KCNS3: variants seen among roughly 807,000 people sequenced by gnomAD.
The protein encoded by KCNS3 is potassium voltage-gated channel modifier subfamily S member 3, also known as delayed-rectifier potassium channel regulatory subunit KCNS3.
KCNS3 carries 13 observed loss-of-function variants against 31.0 expected under a neutral mutation model. The observed-to-expected ratio is 0.42, with a 90% CI of 0.27 to 0.67. The LOEUF (loss-of-function observed/expected upper bound fraction) is 0.67, where lower values mean the gene tolerates loss of function less well. Ranked by LOEUF, KCNS3 falls within the 30% of genes least tolerant of loss-of-function variation. The pLI, the probability that KCNS3 is intolerant of heterozygous loss-of-function variation, is 0.25. For synonymous variants in KCNS3, 238 were observed against 241.5 expected, an observed-to-expected ratio of 0.99 and a Z score of 0.13; for missense variants, 545 against 622.4, an observed-to-expected ratio of 0.88 and a Z score of 1.32.
At chr2:17,920,968 C>T (rs1662691638) in intron 2 of KCNS3, among the ~76,000 whole-genome samples, 1 of 152,218 alleles carries the variant, frequency 6.6e-6, no homozygotes, top group Non-Finnish European at 1.5e-5. Flanking sequence ...TGGGCAAATT[C>T]TGAGCCTCAG....
chr2:17,887,509 A>ATCTT (rs1661695853), intron 1 of KCNS3, among the ~76,000 whole-genome samples: 1 of 151,592 alleles, frequency 6.6e-6, no homozygotes, highest in African/African-American at 2.4e-5. Context: ...CTATCTATCT[A>ATCTT]TCTATCTATC....
chr2:17,913,151 T>C (rs1662512475), intron 1 of KCNS3, among the ~76,000 whole-genome samples: 2 of 151,010 alleles, frequency 1.3e-5, no homozygotes, highest in Non-Finnish European at 3.0e-5. Flanking sequence ...AAACACTGGG[T>C]GACAGTTTTC....
intron 2 of KCNS3, among the ~76,000 whole-genome samples, chr2:17,927,346 A>T (rs756621616): frequency 2.6e-5 from 4 of 152,016 alleles, no homozygotes; most frequent in Non-Finnish European, 4.4e-5. Context: ...AATCCTCCAA[A>T]CTGTTCCAGC....
chr2:17,885,589 A>G (rs1413650575), intron 1 of KCNS3, among the ~76,000 whole-genome samples: 2 of 152,222 alleles, frequency 1.3e-5, no homozygotes, highest in Non-Finnish European at 2.9e-5. Context: ...ACAGCCTGGA[A>G]GAGCTGATGT....
In KCNS3 at chr2:17,926,326, A is replaced by G. The variant is rs187474957; in HGVS notation, c.-59-4624A>G. On this transcript the variant is annotated intron_variant, in intron 2 of 2. Transcript: ENST00000304101. ...GGTGCTCAGTGCAAGCTGTCAGTGGATCTACCATTCTGGGGTCAGGAGGAC... is the reference window on the plus strand; with the variant it reads ...GGTGCTCAGTGCAAGCTGTCAGTGGGTCTACCATTCTGGGGTCAGGAGGAC... 2.0e-3 allele frequency among the ~76,000 whole-genome samples: 304 copies of G among 152,222 alleles called. 1 individual carries two copies. The highest frequency in any genetic ancestry group is 3.4e-3 in the Middle Eastern group (1 of 294).
chr2:17,882,226 C>T (rs1308504337), intron 1 of KCNS3, among the ~76,000 whole-genome samples: 1 of 152,186 alleles, frequency 6.6e-6, no homozygotes, highest in African/African-American at 2.4e-5. Context: ...TAGAACAATA[C>T]AAGATGCTAA....
At chr2:17,895,924 G>C (rs1462794736) in intron 1 of KCNS3, among the ~76,000 whole-genome samples, 1 of 152,196 alleles carries the variant, frequency 6.6e-6, no homozygotes, top group Non-Finnish European at 1.5e-5. Flanking sequence ...AGGTATATTG[G>C]TGGATGCTGA....
chr2:17,927,583 G>A (rs765069461), intron 2 of KCNS3, among the ~76,000 whole-genome samples: 2 of 152,194 alleles, frequency 1.3e-5, no homozygotes, highest in Admixed American at 1.3e-4. Context: ...AGGGGAACAG[G>A]CATGTCTTAC....
At chr2:17,878,344 C>A (rs1674553712), upstream of KCNS3, among the ~76,000 whole-genome samples, 2 of 152,046 alleles carry the variant, frequency 1.3e-5, no homozygotes, top group Admixed American at 6.5e-5. Context: ...AGGTGGGAGG[C>A]GCGGGGCGCG....
At chr2:17,924,646 A>G (rs1163335634) in intron 2 of KCNS3, among the ~76,000 whole-genome samples, 3 of 149,490 alleles carry the variant, frequency 2.0e-5, no homozygotes, top group Non-Finnish European at 3.0e-5. Context: ...TTTAGTATTT[A>G]TATTACCTTG....
chr2:17,905,273 G>A (rs1053145000), intron 1 of KCNS3, among the ~76,000 whole-genome samples: 1 of 152,280 alleles, frequency 6.6e-6, no homozygotes, highest in South Asian at 2.1e-4. Flanking sequence ...TCTGTTATTG[G>A]TGTATAAGAA....
Position 17,882,813 on chromosome 2 carries a change from A to G in KCNS3, c.-252+4007A>G, listed in dbSNP as rs915758828. Among the ~76,000 whole-genome samples the G allele has an allele frequency of 3.3e-5, 5 of 152,180 alleles. No homozygotes were observed. The East Asian group carries it at 9.6e-4, about 29-fold the overall frequency. On this transcript the variant is annotated intron_variant, in intron 1 of 2. Coordinates refer to ENST00000304101, the MANE Select transcript of KCNS3 (RefSeq NM_002252.5). ...AGAATTTTCATCCCTGTTTTTCTTT[A>G]TCATTTCTCTAGATCATCTTTTGAA...
At chr2:17,916,447 A>C (rs920876505) in intron 1 of KCNS3, among the ~76,000 whole-genome samples, 3 of 152,170 alleles carry the variant, frequency 2.0e-5, no homozygotes, top group Non-Finnish European at 4.4e-5. Flanking sequence ...TACCCTGTTG[A>C]GATTTCTCTA....
chr2:17,899,371 A>G (rs1414119175), intron 1 of KCNS3, among the ~76,000 whole-genome samples: 1 of 151,946 alleles, frequency 6.6e-6, no homozygotes, highest in African/African-American at 2.4e-5. Flanking sequence ...TGATGTAGGT[A>G]CTATTATCTT....
chr2:17,896,537 T>A (rs76282849), intron 1 of KCNS3, among the ~76,000 whole-genome samples: 2 of 134,550 alleles, frequency 1.5e-5, no homozygotes, highest in African/African-American at 6.2e-5. Flanking sequence ...CCTTAGACTC[T>A]TTTTTTTTTT....
Position 17,931,108 on chromosome 2 carries a change from C to T in KCNS3, c.100C>T (p.Leu34=), listed in dbSNP as rs1414736318. 1.2e-6 allele frequency: 2 copies of T among 1,614,056 alleles called. No individual in the cohort carries two copies. Among genetic ancestry groups the T allele is most frequent in the Non-Finnish European group, 1.7e-6 (2 of 1,180,030 alleles). Residue 34 remains leucine, a synonymous_variant, in exon 3 of 3, where the codon CTG becomes TTG. Transcript: ENST00000304101. The surrounding 1 kb of genome is among the most constrained non-coding windows in gnomAD (Gnocchi z 5.4). ...FKQSVDQSTL[L]RFPHTRLGKL... ...GCAGTCTGTTGACCAAAGCACCCTCCTGCGGTTTCCTCACACCAGACTGGG... is the reference window on the plus strand; with the variant it reads ...GCAGTCTGTTGACCAAAGCACCCTCTTGCGGTTTCCTCACACCAGACTGGG...
At chr2:17,891,864 C>T (rs2125235468) in intron 1 of KCNS3, among the ~76,000 whole-genome samples, 1 of 152,186 alleles carries the variant, frequency 6.6e-6, no homozygotes, top group East Asian at 1.9e-4. Flanking sequence ...AAAATTATTT[C>T]CTTTGTCTCA....
chr2:17,888,032 T>G (rs1490991144), intron 1 of KCNS3, among the ~76,000 whole-genome samples: 1 of 152,092 alleles, frequency 6.6e-6, no homozygotes, highest in Non-Finnish European at 1.5e-5. Flanking sequence ...TTTGTTTTTT[T>G]TGTGCTGATT....
intron 1 of KCNS3, among the ~76,000 whole-genome samples, chr2:17,908,099 A>G (rs901746247): frequency 1.1e-4 from 16 of 152,222 alleles, no homozygotes; most frequent in East Asian, 9.6e-4. Context: ...AGGTACACCA[A>G]TCAGACGTAG....
Sources: gnomAD v4.1 joint callset for allele counts (sites outside exome capture counted in the v4.1 genomes callset) on GRCh38, gnomAD v4.1.1 for gene constraint, Gnocchi (gnomAD v3.1) non-coding constraint, MANE v1.5 for transcripts, NCBI Gene and HGNC (gene_info 2026-07-23, HGNC 2026-07-21) for gene names.